The following ZNF398 variants were observed in gnomAD, a reference collection of about 807,000 sequenced individuals.
ZNF398 encodes zinc finger protein 398, also known as zinc finger DNA binding protein ZER6.
Under a neutral mutation model 41.9 loss-of-function variants are expected in ZNF398, and 18 were observed. That is an observed-to-expected ratio of 0.43 (90% CI 0.30 to 0.64). The LOEUF (loss-of-function observed/expected upper bound fraction) is 0.64. Among genes scored for constraint, ZNF398 ranks in the 30% least tolerant of loss-of-function variants. ZNF398 has a pLI of 0.14. For missense variants in ZNF398, 669 were observed against 822.8 expected (o/e 0.81, Z 2.29); for synonymous variants, 260 against 308.8 (o/e 0.84, Z 1.66).
At chr7:149,174,893 G>A (rs1795429332) in intron 4 of ZNF398, among the ~76,000 whole-genome samples, 1 of 151,994 alleles carries the variant, frequency 6.6e-6, no homozygotes, top group African/African-American at 2.4e-5. Flanking sequence ...TATCGGTTCA[G>A]AGGTTTTCTT....
chr7:149,155,719 T>TTA lies in ZNF398; in HGVS notation c.420+1380_420+1381insAT, dbSNP rs1794957527. ...TATATATATATATATTTTTTTTTTT[T>TTA]TTTTTTTTTTAATTTTTTTTTTTTT... is the stretch of plus-strand genomic sequence containing the variant. On this transcript the variant is annotated intron_variant, in intron 2 of 5. Coordinates refer to ENST00000475153, the MANE Select transcript of ZNF398 (RefSeq NM_170686.3). 8.0e-5 allele frequency among the ~76,000 whole-genome samples: 3 copies of TTA among 37,612 alleles called. No homozygotes were observed. In the South Asian group the frequency reaches 4.6e-3, roughly 58 times the overall value. 24.7% of individuals were successfully genotyped at this position (37,612 alleles called of 152,430 possible).
intron 2 of ZNF398, among the ~76,000 whole-genome samples, chr7:149,134,095 G>A (rs1419851705): frequency 6.8e-5 from 9 of 131,504 alleles, no homozygotes; most frequent in Non-Finnish European, 1.1e-4. Context: ...ACGGAGTTTC[G>A]CTCTTGTTGC....
intron 2 of ZNF398, among the ~76,000 whole-genome samples, chr7:149,155,707 A>ATTTTTTTTTTTT (rs1359986695): frequency 1.4e-5 from 1 of 73,578 alleles, no homozygotes; most frequent in Non-Finnish European, 2.4e-5. Context: ...ATATATATAT[A>ATTTTTTTTTTTT]TTTTTTTTTT....
At chr7:149,150,153 T>G (rs910386162) in intron 1 of ZNF398, among the ~76,000 whole-genome samples, 1 of 152,224 alleles carries the variant, frequency 6.6e-6, no homozygotes, top group African/African-American at 2.4e-5. Context: ...CTGATAAGTT[T>G]GAAGCAAGGA....
chr7:149,172,836 C>T (rs1279402274), intron 4 of ZNF398, among the ~76,000 whole-genome samples: 1 of 152,132 alleles, frequency 6.6e-6, no homozygotes, highest in Non-Finnish European at 1.5e-5. Flanking sequence ...GTACAAGTAA[C>T]AATAACTTTT....
At chr7:149,157,836 C>CAAAAA (rs67225033) in intron 2 of ZNF398, among the ~76,000 whole-genome samples, 7 of 59,742 alleles carry the variant, frequency 1.2e-4, no homozygotes, top group African/African-American at 4.6e-4. Context: ...GACTCTGTCT[C>CAAAAA]AAAAAAAAAA....
At position 149,131,980 on chromosome 7, in the gene ZNF398, G is replaced by A. The variant is rs10247048; in HGVS notation, c.-490+3036G>A. Among the ~76,000 whole-genome samples, 1,488 of 152,084 alleles carry A rather than the reference G, an allele frequency of 9.8e-3. 30 individuals carry two copies. The highest frequency in any genetic ancestry group is 0.034 in the African/African-American group (1,398 of 41,480). The stretch of plus-strand genomic sequence containing the variant: ...TTATTCATCCAGTCCTCTACTAGAC[G>A]TTTTGTTTATAGTCAAATTTTAGTT... On this transcript the variant is annotated intron_variant, in intron 2 of 6. Transcript: ENST00000426851.
intron 2 of ZNF398, among the ~76,000 whole-genome samples, chr7:149,156,435 G>T (rs1465248627): frequency 7.2e-6 from 1 of 138,854 alleles, no homozygotes; most frequent in African/African-American, 2.7e-5. Context: ...TGAAGTTGAG[G>T]GGGAGGTTGC....
intron 2 of ZNF398, among the ~76,000 whole-genome samples, chr7:149,135,829 C>T (rs894946940): frequency 9.9e-5 from 15 of 151,962 alleles, no homozygotes; most frequent in East Asian, 7.7e-4. Context: ...TGGTGGTGCG[C>T]GCCTGTAGTC....
chr7:149,133,678 T>TATATATATATATATATATACACAC (rs1483673161), intron 2 of ZNF398, among the ~76,000 whole-genome samples: 16 of 66,962 alleles, frequency 2.4e-4, no homozygotes, highest in African/African-American at 9.8e-4. Context: ...TATATATATA[T>TATATATATATATATATATACACAC]ACATATATAT....
At chr7:149,133,685 ATATGTG>A (rs1563152750) in intron 2 of ZNF398, among the ~76,000 whole-genome samples, 4 of 39,576 alleles carry the variant, frequency 1.0e-4, no homozygotes, top group Non-Finnish European at 2.1e-4. Flanking sequence ...ATATACATAT[ATATGTG>A]TGTATATATA....
At position 149,178,948 on chromosome 7, in the gene ZNF398, C is replaced by G; in HGVS notation, c.1076C>G (p.Thr359Ser). The G allele has an allele frequency of 4.3e-6, 7 of 1,614,170 alleles. No homozygotes were observed. The highest frequency in any genetic ancestry group is 5.9e-6 in the Non-Finnish European group (7 of 1,180,024). ...AATCTCAGCCAAGACATGTTGCTGA[C>G]CCACCAATGTAGCCATGCTACTGAG... is the stretch of plus-strand genomic sequence containing the variant. ...GKNLSQDMLL[T>S]HQCSHATEHP... The change falls in exon 6 of 6, where the codon ACC becomes AGC. Residue 359 changes from threonine (T) to serine (S), a missense_variant. Thr to Ser is a moderately conservative substitution (Grantham distance 58, BLOSUM62 1). Coordinates refer to ENST00000475153, the MANE Select transcript of ZNF398 (RefSeq NM_170686.3).
chr7:149,179,892 G>A lies in ZNF398; in HGVS notation c.*91G>A, dbSNP rs778983675. The A allele has an allele frequency of 4.1e-6, 5 of 1,207,748 alleles. No homozygotes were observed. The highest frequency in any genetic ancestry group is 2.7e-5 in the Admixed American group (1 of 36,616). The allele number at this position is 1,207,748 out of a possible 1,614,324, so 74.8% of individuals were successfully genotyped here. A position where few individuals can be genotyped will look rare whatever the true frequency, so the allele number is the denominator to read the frequency against. ...CTGTGAGCCCCATCCAACACCCACA[G>A]TAATTATTATCTGGCACATCAATGA... is the stretch of plus-strand genomic sequence containing the variant. On this transcript the variant is annotated 3_prime_UTR_variant, in exon 6 of 6. Transcript: ENST00000475153. This position sits in a 1 kb window ranked among gnomAD's most constrained non-coding sequence, Gnocchi z 6.1.
intron 4 of ZNF398, among the ~76,000 whole-genome samples, chr7:149,173,782 A>AT (rs1795402365): frequency 8.0e-6 from 1 of 125,080 alleles, no homozygotes; most frequent in African/African-American, 2.9e-5. Flanking sequence ...ATTTAGCATA[A>AT]TTCTTTTTTT....
At chr7:149,153,835 A>G in intron 1 of ZNF398, 110 bp from the exon 2 acceptor site, 1 of 1,315,676 alleles carries the variant, frequency 7.6e-7, no homozygotes, top group Non-Finnish European at 1.0e-6. Flanking sequence ...CTAGAACTAT[A>G]TTCAAATTAA....
intron 4 of ZNF398, among the ~76,000 whole-genome samples, chr7:149,173,895 G>A (rs1421252112): frequency 1.3e-5 from 2 of 149,590 alleles, no homozygotes; most frequent in Non-Finnish European, 3.0e-5. Context: ...CTGGGTTCAA[G>A]CGATTCTCCT....
intron 1 of ZNF398, among the ~76,000 whole-genome samples, chr7:149,153,227 C>T (rs1156432238): frequency 1.3e-5 from 2 of 152,074 alleles, no homozygotes; most frequent in Admixed American, 6.6e-5. Context: ...CCTGTAGCCC[C>T]AGCTACTTAG....
chr7:149,138,539 C>T (rs1176234563), intron 2 of ZNF398, among the ~76,000 whole-genome samples: 3 of 152,220 alleles, frequency 2.0e-5, no homozygotes, highest in Non-Finnish European at 4.4e-5. Context: ...GAGATCGTGC[C>T]ACTGCACTCC....
chr7:149,136,037 G>C (rs151253002), intron 2 of ZNF398, among the ~76,000 whole-genome samples: 115 of 151,958 alleles, frequency 7.6e-4, no homozygotes, highest in African/African-American at 2.5e-3. Context: ...GTGGATTGGG[G>C]TTTTGGTATC....
Sources: allele counts gnomAD v4.1 joint callset (sites outside exome capture counted in the v4.1 genomes callset), GRCh38; gene constraint gnomAD v4.1.1; non-coding constraint Gnocchi (gnomAD v3.1); transcripts MANE v1.5; gene names NCBI Gene and HGNC (gene_info 2026-07-23, HGNC 2026-07-21).